EEF1E1: variants seen among roughly 807,000 people sequenced by gnomAD.
The protein encoded by EEF1E1 is eukaryotic translation elongation factor 1 epsilon-1.
Under a neutral mutation model 19.9 loss-of-function variants are expected in EEF1E1, and 19 were observed. The ratio of observed to expected loss-of-function variants is 0.95; its 90% CI spans 0.66 to 1.40. EEF1E1 has a LOEUF of 1.40. EEF1E1 is among the 40% of genes most tolerant of loss of function. The probability of loss-of-function intolerance (pLI) is 0.00; values close to 1 mark genes in which losing one functional copy is unlikely to be tolerated. For synonymous variants in EEF1E1, 81 were observed against 80.0 expected, an observed-to-expected ratio of 1.01 and a Z score of -0.07; for missense variants, 198 against 202.2, an observed-to-expected ratio of 0.98 and a Z score of 0.13.
At chr6:8,090,577 T>C (rs1282112157) in intron 2 of EEF1E1, among the ~76,000 whole-genome samples, 4 of 152,202 alleles carry the variant, frequency 2.6e-5, no homozygotes, top group Non-Finnish European at 5.9e-5. Context: ...TTGGAAACAT[T>C]TTGTTACTCA....
chr6:8,099,791 C>CACACACACACACACAAAAAA (rs768224090), intron 1 of EEF1E1, among the ~76,000 whole-genome samples: 1 of 114,628 alleles, frequency 8.7e-6, no homozygotes, highest in African/African-American at 3.3e-5. Flanking sequence ...CACACACACA[C>CACACACACACACACAAAAAA]AAAAAAAAAA....
chr6:8,079,535 A>G lies in EEF1E1; in HGVS notation c.*355T>C, dbSNP rs1561880526. 4.0e-6 allele frequency: 4 copies of G among 1,000,992 alleles called. No individual in the cohort carries two copies. Among genetic ancestry groups the G allele is most frequent in the Non-Finnish European group, 4.8e-6 (4 of 838,908 alleles). 62.0% of individuals were successfully genotyped at this position (1,000,992 alleles called of 1,614,324 possible). A position where few individuals can be genotyped will look rare whatever the true frequency, so the allele number is the denominator to read the frequency against. On this transcript the variant is annotated 3_prime_UTR_variant, in exon 4 of 4. Transcript: ENST00000379715. ...CCATAAGGGGAAAATGAATTTTAGAATATGAAAGAGAGGTTAATAAATAGC... is the reference window on the plus strand; with the variant it reads ...CCATAAGGGGAAAATGAATTTTAGAGTATGAAAGAGAGGTTAATAAATAGC...
chr6:8,101,631 C>A, intron 1 of EEF1E1: 2 of 698,802 alleles, frequency 2.9e-6, no homozygotes, highest in Non-Finnish European at 2.0e-6. Context: ...TGGAAAAAAT[C>A]TCAAAGGAGC....
downstream of EEF1E1, chr6:8,078,563 G>A (rs948041815): frequency 3.3e-6 from 3 of 908,540 alleles, no homozygotes; most frequent in South Asian, 2.6e-5. Flanking sequence ...CAATAGTCTC[G>A]CTCGAAGCAG....
intron 2 of EEF1E1, among the ~76,000 whole-genome samples, chr6:8,096,944 C>CA (rs1323522372): frequency 6.6e-6 from 1 of 151,760 alleles, no homozygotes; most frequent in African/African-American, 2.4e-5. Flanking sequence ...ATCAAAAAAA[C>CA]AAAAAAAGTC....
chr6:8,087,458 T>C (rs530207766), intron 3 of EEF1E1, among the ~76,000 whole-genome samples: 4 of 152,332 alleles, frequency 2.6e-5, no homozygotes, highest in African/African-American at 4.8e-5. Context: ...CCTCAGGTGA[T>C]CCACCTGCCT....
chr6:8,090,216 T>C lies in EEF1E1; in HGVS notation c.354A>G (p.Ile118Met). The C allele has an allele frequency of 1.3e-6, 2 of 1,526,648 alleles. No homozygotes were observed. 94.6% of individuals were successfully genotyped at this position (1,526,648 alleles called of 1,614,324 possible). The stretch of plus-strand genomic sequence containing the variant: ...AGCGATGAAGTCCATAGTACAATAG[T>C]ATATCTGCTAATGTAAAGTTATACC... ...LTGYNFTLAD[I>M]LLYYGLHRFI... is the part of the protein sequence containing the mutation. The change falls in exon 3 of 4, where the codon ATA becomes ATG. Residue 118 changes from isoleucine (I) to methionine (M), a missense_variant. Coordinates refer to ENST00000379715, the MANE Select transcript of EEF1E1 (RefSeq NM_004280.5).
intron 3 of EEF1E1, among the ~76,000 whole-genome samples, chr6:8,086,568 A>G (rs1757859946): frequency 6.6e-6 from 1 of 152,186 alleles, no homozygotes; most frequent in Non-Finnish European, 1.5e-5. Flanking sequence ...TAAGACAAAG[A>G]GCTTCCCCAC....
chr6:8,085,332 TA>T lies in EEF1E1; in HGVS notation c.384+4853del, dbSNP rs1757824908. On this transcript the variant is annotated intron_variant, in intron 3 of 3. Transcript: ENST00000379715. ...CCTGGTTAATGGTTTTTTTTTTTTT[TA>T]AATAGAGACGGGTTTTGCCCTGTTG... Among the ~76,000 whole-genome samples the T allele has an allele frequency of 2.0e-5, 3 of 147,882 alleles. No individual in the cohort carries two copies. In the South Asian group the frequency reaches 6.5e-4, roughly 32 times the overall value.
At chr6:8,086,463 C>T (rs931651843) in intron 3 of EEF1E1, among the ~76,000 whole-genome samples, 89 of 152,286 alleles carry the variant, frequency 5.8e-4, no homozygotes, top group Non-Finnish European at 1.1e-3. Context: ...AAAAGACAAA[C>T]CCTCCACTTT....
intron 3 of EEF1E1, among the ~76,000 whole-genome samples, chr6:8,083,933 T>C (rs1757782075): frequency 6.6e-6 from 1 of 152,180 alleles, no homozygotes; most frequent in Admixed American, 6.5e-5. Flanking sequence ...TGGAATGTCA[T>C]TTAACACCAC....
downstream of EEF1E1, among the ~76,000 whole-genome samples, chr6:8,077,263 G>A (rs185797853): frequency 9.8e-4 from 149 of 152,222 alleles, no homozygotes; most frequent in African/African-American, 3.3e-3. Flanking sequence ...TAATTCTCAA[G>A]GGCCCTAGGA....
downstream of EEF1E1, among the ~76,000 whole-genome samples, chr6:8,077,505 G>A (rs1406251118): frequency 3.3e-5 from 5 of 152,188 alleles, no homozygotes; most frequent in Non-Finnish European, 7.3e-5. Flanking sequence ...AGATCTTGCA[G>A]TCTACGTTAG....
chr6:8,086,854 G>A (rs1757870961), intron 3 of EEF1E1, among the ~76,000 whole-genome samples: 1 of 152,184 alleles, frequency 6.6e-6, no homozygotes, highest in African/African-American at 2.4e-5. Flanking sequence ...AGACAATGGT[G>A]TTACAAATAT....
intron 3 of EEF1E1, among the ~76,000 whole-genome samples, chr6:8,088,544 T>C (rs1303120617): frequency 2.0e-5 from 3 of 152,216 alleles, no homozygotes; most frequent in Non-Finnish European, 2.9e-5. Flanking sequence ...AAGCCCTCTC[T>C]GCCTGCTGCC....
At chr6:8,086,439 G>GA (rs1340065618) in intron 3 of EEF1E1, among the ~76,000 whole-genome samples, 1 of 151,398 alleles carries the variant, frequency 6.6e-6, no homozygotes, top group Non-Finnish European at 1.5e-5. Flanking sequence ...AGGAGAAAAC[G>GA]ACTTTGTTTT....
chr6:8,097,820 T>G (rs1211318091), intron 1 of EEF1E1, among the ~76,000 whole-genome samples: 1 of 152,208 alleles, frequency 6.6e-6, no homozygotes, highest in African/African-American at 2.4e-5. Flanking sequence ...CACCCTATTA[T>G]ATAGCAAAGT....
At chr6:8,102,342 G>A in intron 1 of EEF1E1, 93 bp downstream of exon 1, 1 of 1,288,038 alleles carries the variant, frequency 7.8e-7, no homozygotes, top group East Asian at 2.4e-5. Flanking sequence ...TCCTCACTCC[G>A]CCCGTATCTG....
chr6:8,094,195 A>G (rs897505849), intron 2 of EEF1E1, among the ~76,000 whole-genome samples: 5 of 152,174 alleles, frequency 3.3e-5, no homozygotes, highest in Non-Finnish European at 7.3e-5. Context: ...GGAAGAGGCC[A>G]CTCTTATATG....
Sources: gnomAD v4.1 joint callset for allele counts (sites outside exome capture counted in the v4.1 genomes callset) on GRCh38, gnomAD v4.1.1 for gene constraint, MANE v1.5 for transcripts, NCBI Gene and HGNC (gene_info 2026-07-23, HGNC 2026-07-21) for gene names.